CPQ: variants seen among roughly 807,000 people sequenced by gnomAD.
CPQ encodes the protein carboxypeptidase Q, also known as Ser-Met dipeptidase.
Under a neutral mutation model 45.7 loss-of-function variants are expected in CPQ, and 37 were observed. The observed-to-expected ratio is 0.81, with a 90% CI of 0.62 to 1.07. CPQ has a LOEUF of 1.07. Among genes scored for constraint, CPQ ranks in the 50% least tolerant of loss-of-function variants. The probability of loss-of-function intolerance (pLI) is 0.00; values close to 1 mark genes in which losing one functional copy is unlikely to be tolerated. For missense variants in CPQ, 537 were observed against 572.9 expected, an observed-to-expected ratio of 0.94 and a Z score of 0.64; for synonymous variants, 186 against 205.8, an observed-to-expected ratio of 0.90 and a Z score of 0.82.
chr8:96,858,072 T>A (rs1811873516), intron 3 of CPQ, among the ~76,000 whole-genome samples: 2 of 152,168 alleles, frequency 1.3e-5, no homozygotes, highest in Admixed American at 1.3e-4. Context: ...ATTGAGGTAC[T>A]CCCAGTGTAG....
intron 3 of CPQ, among the ~76,000 whole-genome samples, chr8:96,863,420 C>A (rs1048074263): frequency 6.6e-6 from 1 of 151,866 alleles, no homozygotes; most frequent in African/African-American, 2.4e-5. Context: ...AAAAAGAGTG[C>A]AAAAACCTGA....
At chr8:97,084,498 C>G (rs997242352) in intron 7 of CPQ, among the ~76,000 whole-genome samples, 1 of 152,100 alleles carries the variant, frequency 6.6e-6, no homozygotes, top group Non-Finnish European at 1.5e-5. Context: ...ATGCCACATT[C>G]ATCAAATCTT....
intron 1 of CPQ, among the ~76,000 whole-genome samples, chr8:96,651,205 C>A (rs1314940631): frequency 2.0e-5 from 3 of 152,128 alleles, no homozygotes; most frequent in Non-Finnish European, 4.4e-5. Context: ...TTGGATGGGG[C>A]AAAACTCAGC....
intron 2 of CPQ, among the ~76,000 whole-genome samples, chr8:96,826,236 A>T (rs1016333176): frequency 4.6e-5 from 7 of 151,986 alleles, no homozygotes; most frequent in African/African-American, 1.7e-4. Context: ...GATCATTTTG[A>T]TGTGTGATAG....
intron 6 of CPQ, among the ~76,000 whole-genome samples, chr8:97,045,749 T>C (rs1302640304): frequency 6.6e-6 from 1 of 152,202 alleles, no homozygotes; most frequent in East Asian, 1.9e-4. Flanking sequence ...ATCTTCTACT[T>C]CTGGTTACTG....
At chr8:96,833,837 A>T (rs1249124420) in intron 2 of CPQ, among the ~76,000 whole-genome samples, 1 of 152,216 alleles carries the variant, frequency 6.6e-6, no homozygotes, top group Non-Finnish European at 1.5e-5. Flanking sequence ...CATTATGATG[A>T]GGCCTATATT....
At chr8:96,886,708 C>T (rs1812311236) in intron 4 of CPQ, among the ~76,000 whole-genome samples, 1 of 152,150 alleles carries the variant, frequency 6.6e-6, no homozygotes. Context: ...TTCTTTTAAC[C>T]TCTAAGAGAT....
At chr8:96,763,769 A>G (rs180894154) in intron 1 of CPQ, among the ~76,000 whole-genome samples, 2 of 152,360 alleles carry the variant, frequency 1.3e-5, no homozygotes, top group Non-Finnish European at 1.5e-5. Flanking sequence ...TGACTAGCAA[A>G]TAAGCACATG....
At chr8:97,017,775 C>T (rs986603817) in intron 5 of CPQ, among the ~76,000 whole-genome samples, 2 of 152,018 alleles carry the variant, frequency 1.3e-5, no homozygotes, top group Non-Finnish European at 1.5e-5. Flanking sequence ...CCTAGCCCTG[C>T]CCCCACCTGG....
chr8:96,672,203 G>C (rs553268956), intron 1 of CPQ, among the ~76,000 whole-genome samples: 2 of 152,116 alleles, frequency 1.3e-5, no homozygotes, highest in Non-Finnish European at 2.9e-5. Context: ...TAAATACTTT[G>C]TTCCTTGACA....
chr8:96,973,093 GC>G (rs1813708781), intron 5 of CPQ, among the ~76,000 whole-genome samples: 1 of 152,066 alleles, frequency 6.6e-6, no homozygotes, highest in Non-Finnish European at 1.5e-5. Context: ...AATCAAGGAG[GC>G]ACCAGAGAAA....
chr8:96,802,463 A>C lies in CPQ; in HGVS notation c.433+17133A>C, dbSNP rs566383513. On this transcript the variant is annotated intron_variant, in intron 2 of 7. Coordinates refer to ENST00000220763, the MANE Select transcript of CPQ (RefSeq NM_016134.4). ...TTGATGGCACTTGGGAAAATGCATC[A>C]GTAATATCATTTAGCTGAAGGCACT... 6.6e-5 allele frequency among the ~76,000 whole-genome samples: 10 copies of C among 152,354 alleles called. No individual in the cohort carries two copies. The South Asian group carries it at 2.1e-3, about 32-fold the overall frequency.
chr8:97,077,913 T>G (rs1028595080), intron 7 of CPQ, among the ~76,000 whole-genome samples: 3 of 152,210 alleles, frequency 2.0e-5, no homozygotes, highest in Admixed American at 2.0e-4. Context: ...AACTTTCCCC[T>G]TATCAGCTAT....
At chr8:96,860,618 T>C (rs183776628) in intron 3 of CPQ, among the ~76,000 whole-genome samples, 1 of 152,058 alleles carries the variant, frequency 6.6e-6, no homozygotes, top group Admixed American at 6.6e-5. Flanking sequence ...GAACATGGGG[T>C]GTGCAAATGT....
At chr8:96,908,107 CGTGTGTGTGTGT>C (rs35548556) in intron 4 of CPQ, among the ~76,000 whole-genome samples, 2,771 of 145,798 alleles carry the variant, frequency 0.019, 90 homozygotes, top group African/African-American at 0.062. Context: ...CCCACTGCAA[CGTGTGTGTGTGT>C]GTGTGTGTGT....
At chr8:96,912,534 CAG>C (rs962250912) in intron 4 of CPQ, among the ~76,000 whole-genome samples, 94 of 152,108 alleles carry the variant, frequency 6.2e-4, no homozygotes, top group African/African-American at 2.2e-3. Context: ...TTTGAGGACT[CAG>C]GGGCATATAA....
intron 2 of CPQ, among the ~76,000 whole-genome samples, chr8:96,791,945 G>A (rs950652546): frequency 4.6e-5 from 7 of 152,154 alleles, no homozygotes; most frequent in Non-Finnish European, 7.3e-5. Flanking sequence ...CTCCATAAGG[G>A]ATCACTGAAG....
In CPQ at chr8:96,670,639, T is replaced by C. The variant is rs981209411; in HGVS notation, c.-35+25237T>C. 4.6e-5 allele frequency among the ~76,000 whole-genome samples: 7 copies of C among 152,238 alleles called. No individual in the cohort carries two copies. In the South Asian group the frequency reaches 6.2e-4, roughly 14 times the overall value. On this transcript the variant is annotated intron_variant, in intron 1 of 7. Transcript: ENST00000220763. ...TGGAAAGAATCCAGTTGTCCTTAAA[T>C]TGATGAATGGTTAAACAAACTGTGA...
At chr8:96,663,193 A>G (rs1808865215) in intron 1 of CPQ, among the ~76,000 whole-genome samples, 1 of 152,220 alleles carries the variant, frequency 6.6e-6, no homozygotes, top group Admixed American at 6.5e-5. Flanking sequence ...CAAGGCTCAG[A>G]GAGCCCCGAA....
Sources: gnomAD v4.1 joint callset for allele counts (sites outside exome capture counted in the v4.1 genomes callset) on GRCh38, gnomAD v4.1.1 for gene constraint, MANE v1.5 for transcripts, NCBI Gene and HGNC (gene_info 2026-07-23, HGNC 2026-07-21) for gene names.